Variants in TFG observed in about 807,000 individuals in gnomAD.
TFG encodes the protein trafficking from ER to golgi regulator.
TFG carries 22 observed loss-of-function variants against 51.4 expected under a neutral mutation model. The observed-to-expected ratio is 0.43, with a 90% CI of 0.31 to 0.61. TFG has a LOEUF of 0.61. Among genes scored for constraint, TFG ranks in the 20% least tolerant of loss-of-function variants. The pLI, the probability that TFG is intolerant of heterozygous loss-of-function variation, is 0.12. For synonymous variants in TFG, 187 were observed against 165.6 expected, an observed-to-expected ratio of 1.13 and a Z score of -0.99; for missense variants, 419 against 487.7, an observed-to-expected ratio of 0.86 and a Z score of 1.33.
rs557388693 is a variant in TFG at position 100,715,337 on chromosome 3, T to C, written c.184+1468T>C. On this transcript the variant is annotated intron_variant, in intron 2 of 7. Coordinates refer to ENST00000240851, the MANE Select transcript of TFG (RefSeq NM_006070.6). ...ATGAGTGAAGACAGAGTATGAAGAA[T>C]CATATGGGAGATTTTACTCACTAGG... is the stretch of plus-strand genomic sequence containing the variant. 2.6e-5 allele frequency among the ~76,000 whole-genome samples: 4 copies of C among 152,322 alleles called. No homozygotes were observed. The East Asian group carries it at 7.7e-4, about 29-fold the overall frequency.
chr3:100,735,941 T>G (rs1350896087), intron 5 of TFG, among the ~76,000 whole-genome samples: 2 of 152,300 alleles, frequency 1.3e-5, no homozygotes, highest in African/African-American at 4.8e-5. Context: ...TAGATAGAAG[T>G]TCACTAGTAG....
chr3:100,733,313 TTGGG>T lies in TFG; in HGVS notation c.580+644_580+647del, dbSNP rs566265156. On this transcript the variant is annotated intron_variant, in intron 5 of 7. Coordinates refer to ENST00000240851, the MANE Select transcript of TFG (RefSeq NM_006070.6). ...TTCAGTCTTCTCTCTGTTCTTCAGG[TTGGG>T]TGATTTCTGTTGAACTCTTCAAGGT... 7.2e-5 allele frequency among the ~76,000 whole-genome samples: 11 copies of T among 152,302 alleles called. No individual in the cohort carries two copies. In the South Asian group the frequency reaches 1.9e-3, roughly 26 times the overall value.
intron 7 of TFG, among the ~76,000 whole-genome samples, chr3:100,746,384 A>G (rs1041730534): frequency 1.3e-5 from 2 of 152,186 alleles, no homozygotes; most frequent in African/African-American, 4.8e-5. Context: ...GACTTGTCAA[A>G]GCACATACAG....
At chr3:100,710,803 G>A (rs1442771991) in intron 1 of TFG, among the ~76,000 whole-genome samples, 7 of 152,194 alleles carry the variant, frequency 4.6e-5, no homozygotes, top group African/African-American at 1.4e-4. Context: ...TTGTCGTAGG[G>A]CTCCTACTGG....
At chr3:100,742,093 G>A (rs549691397) in intron 6 of TFG, among the ~76,000 whole-genome samples, 1 of 152,124 alleles carries the variant, frequency 6.6e-6, no homozygotes, top group Non-Finnish European at 1.5e-5. Context: ...TCTCAAGTAT[G>A]TGAAGAAGTT....
In TFG at chr3:100,728,876, T is replaced by G. The variant is rs752417508; in HGVS notation, c.415+18T>G. 1.3e-6 allele frequency: 2 copies of G among 1,584,648 alleles called. No homozygotes were observed. The highest frequency in any genetic ancestry group is 8.6e-7 in the Non-Finnish European group (1 of 1,168,212). On this transcript the variant is annotated intron_variant, in intron 4 of 7. Coordinates refer to ENST00000240851, the MANE Select transcript of TFG (RefSeq NM_006070.6). ...TGAAAATGGTAAACCCTGAATCCAT[T>G]GTATTCTGACTTATTGTTCTTACGT...
chr3:100,723,013 G>A (rs2095065035), intron 3 of TFG, among the ~76,000 whole-genome samples: 1 of 152,190 alleles, frequency 6.6e-6, no homozygotes, highest in African/African-American at 2.4e-5. Context: ...AGTCAAGGAA[G>A]CTTAACTCTT....
At chr3:100,715,187 A>G (rs753980451) in intron 2 of TFG, among the ~76,000 whole-genome samples, 1 of 152,220 alleles carries the variant, frequency 6.6e-6, no homozygotes, top group Middle Eastern at 3.2e-3. Context: ...AGCAGATATA[A>G]TAGAAATCTT....
Position 100,729,605 on chromosome 3 carries a change from A to G in TFG, c.415+747A>G, listed in dbSNP as rs1036200647. Among the ~76,000 whole-genome samples, 8 of 152,068 alleles carry G rather than the reference A, an allele frequency of 5.3e-5. No homozygotes were observed. In the South Asian group the frequency reaches 1.5e-3, roughly 28 times the overall value. On this transcript the variant is annotated intron_variant, in intron 4 of 7. Transcript: ENST00000240851. ...CTCTTATTATTATTTTTTTCTTTTT[A>G]CAAATTCTTTGTTTGCTTATAATTT...
At chr3:100,716,176 T>TAC (rs2095045882) in intron 2 of TFG, among the ~76,000 whole-genome samples, 1 of 152,188 alleles carries the variant, frequency 6.6e-6, no homozygotes, top group Non-Finnish European at 1.5e-5. Context: ...TATCTAGTTG[T>TAC]ACTTTTGTGT....
intron 2 of TFG, among the ~76,000 whole-genome samples, chr3:100,714,309 G>A (rs927543548): frequency 3.3e-5 from 5 of 152,108 alleles, no homozygotes; most frequent in African/African-American, 1.2e-4. Flanking sequence ...AGATCAGCCT[G>A]GCCAACATGG....
At chr3:100,745,796 G>GT (rs956643722) in intron 7 of TFG, among the ~76,000 whole-genome samples, 2 of 152,130 alleles carry the variant, frequency 1.3e-5, no homozygotes, top group African/African-American at 2.4e-5. Context: ...ACTATTGCCT[G>GT]TTTTTTTGAA....
chr3:100,716,626 C>G (rs1028647158), intron 2 of TFG, among the ~76,000 whole-genome samples: 18 of 152,286 alleles, frequency 1.2e-4, no homozygotes, highest in African/African-American at 4.3e-4. Context: ...ACTGTTCTCC[C>G]TAGTGGCTGT....
In TFG at chr3:100,748,813, C is replaced by T. The variant is rs536168502; in HGVS notation, c.*282C>T. On this transcript the variant is annotated 3_prime_UTR_variant, in exon 8 of 8. Coordinates refer to ENST00000240851, the MANE Select transcript of TFG (RefSeq NM_006070.6). ...ACTTGACTTTCTAGCTTCCCTTGTC[C>T]GGAGGATATTAAAATGCTAGGGTGA... 123 of 340,186 alleles carry T rather than the reference C, an allele frequency of 3.6e-4. No individual in the cohort carries two copies. Among genetic ancestry groups the T allele is most frequent in the South Asian group, 2.8e-3 (37 of 13,264 alleles). The allele number at this position is 340,186 out of a possible 1,614,324, so 21.1% of individuals were successfully genotyped here. A position where few individuals can be genotyped will look rare whatever the true frequency, so the allele number is the denominator to read the frequency against.
chr3:100,721,012 G>T, intron 3 of TFG, among the ~76,000 whole-genome samples: 1 of 151,790 alleles, frequency 6.6e-6, no homozygotes, highest in African/African-American at 2.4e-5. Flanking sequence ...GATTTAATTT[G>T]TATCTATTTC....
At position 100,744,896 on chromosome 3, in the gene TFG, C is replaced by G. The variant is rs1326208892; in HGVS notation, c.785C>G (p.Pro262Arg). ...GGTGCACAGCAGCCGCAGGCTCCAC[C>G]TCAGCAGCCTCAACAGTATGGTATT... is the stretch of plus-strand genomic sequence containing the variant. Reference protein sequence around the residue: ...GYGAQQPQAPPQQPQQYGIQY... With the variant: ...GYGAQQPQAPRQQPQQYGIQY... The change falls in exon 7 of 8, where the codon CCT becomes CGT. Residue 262 changes from proline to arginine, a missense_variant. Physicochemically the swap from Pro to Arg is moderately radical, Grantham distance 103. Coordinates refer to ENST00000240851, the MANE Select transcript of TFG (RefSeq NM_006070.6). 6.2e-7 allele frequency: 1 copy of G among 1,613,648 alleles called. No individual in the cohort carries two copies. The highest frequency in any genetic ancestry group is 8.5e-7 in the Non-Finnish European group (1 of 1,179,670).
At chr3:100,747,004 CTTAT>C (rs1239728560) in intron 7 of TFG, among the ~76,000 whole-genome samples, 1 of 152,140 alleles carries the variant, frequency 6.6e-6, no homozygotes, top group Non-Finnish European at 1.5e-5. Flanking sequence ...ACTTGATTTA[CTTAT>C]TAAGAACTAA....
chr3:100,732,748 T>C, intron 5 of TFG, 76 bp downstream of exon 5: 1 of 1,294,808 alleles, frequency 7.7e-7, no homozygotes, highest in Non-Finnish European at 1.1e-6. Context: ...CTTTCTTTAA[T>C]TGAAGAATAA....
At chr3:100,741,098 G>A (rs1329863843) in intron 6 of TFG, among the ~76,000 whole-genome samples, 1 of 152,028 alleles carries the variant, frequency 6.6e-6, no homozygotes, top group East Asian at 1.9e-4. Context: ...ATGATGATAG[G>A]TGACTCTCTT....
Sources: allele counts gnomAD v4.1 joint callset (sites outside exome capture counted in the v4.1 genomes callset), GRCh38; gene constraint gnomAD v4.1.1; transcripts MANE v1.5; gene names NCBI Gene and HGNC (gene_info 2026-07-23, HGNC 2026-07-21).